CRACD: variants seen among roughly 807,000 people sequenced by gnomAD.
CRACD encodes the protein capping protein inhibiting regulator of actin dynamics, also known as capping protein-inhibiting regulator of actin dynamics.
Under a neutral mutation model 106.8 loss-of-function variants are expected in CRACD, and 56 were observed. The ratio of observed to expected loss-of-function variants is 0.52; its 90% CI spans 0.42 to 0.66. The LOEUF (loss-of-function observed/expected upper bound fraction) is 0.66, where lower values mean the gene tolerates loss of function less well. Among genes scored for constraint, CRACD ranks in the 30% least tolerant of loss-of-function variants. The pLI is 0.00. For missense variants in CRACD, 1,730 were observed against 1,623.2 expected, an observed-to-expected ratio of 1.07 and a Z score of -1.13; for synonymous variants, 754 against 670.8, an observed-to-expected ratio of 1.12 and a Z score of -1.92.
chr4:56,314,769 C>T lies in CRACD; in HGVS notation c.1267C>T (p.Leu423=), dbSNP rs1174471718. The T allele has an allele frequency of 6.3e-7, 1 of 1,594,118 alleles. No homozygotes were observed. Among genetic ancestry groups the T allele is most frequent in the African/African-American group, 1.3e-5 (1 of 74,946 alleles). Residue 423 remains leucine, a synonymous_variant, in exon 8 of 11, where the codon CTG becomes TTG. Coordinates refer to ENST00000682029, the MANE Select transcript of CRACD (RefSeq NM_001393381.1). This position sits in a 1 kb window ranked among gnomAD's most constrained non-coding sequence, Gnocchi z 4.4. ...EDWRGQLSEL[L]NDFEERLEDQ... ...CTGGAGGGGGCAGCTCAGTGAGCTT[C>T]TGAACGACTTTGAGGAGAGGCTCGA...
chr4:56,310,176 C>T (rs1031163343), intron 5 of CRACD, among the ~76,000 whole-genome samples: 15 of 152,072 alleles, frequency 9.9e-5, no homozygotes, highest in African/African-American at 3.6e-4. Context: ...TTTCTTGGCC[C>T]CTCCCTGGTC....
chr4:56,221,266 A>G (rs182801556), intron 2 of CRACD, among the ~76,000 whole-genome samples: 61 of 152,294 alleles, frequency 4.0e-4, no homozygotes, highest in Middle Eastern at 3.4e-3. Flanking sequence ...TTTGGAAGCT[A>G]TTGAAATACT....
Position 56,316,562 on chromosome 4 carries a change from C to A in CRACD, c.3060C>A (p.Gly1020=), listed in dbSNP as rs1745672804. 4 of 1,613,234 alleles carry A rather than the reference C, an allele frequency of 2.5e-6. No individual in the cohort carries two copies. The highest frequency in any genetic ancestry group is 2.2e-5 in the South Asian group (2 of 90,978). ...SSDRRPPSPP[G]PEERKGQKRD... ...ACCGCCGGCCACCCTCGCCCCCAGGCCCCGAGGAAAGGAAGGGACAGAAGA... is the reference window on the plus strand; with the variant it reads ...ACCGCCGGCCACCCTCGCCCCCAGGACCCGAGGAAAGGAAGGGACAGAAGA... The change falls in exon 8 of 11, where the codon GGC becomes GGA. Residue 1020 remains glycine, a synonymous_variant. Transcript: ENST00000682029.
At chr4:56,309,206 G>A (rs1463742677) in intron 5 of CRACD, 16 of 349,076 alleles carry the variant, frequency 4.6e-5, no homozygotes, top group East Asian at 4.4e-4. Context: ...GTGCCAAGCC[G>A]GATTGTATAG....
Position 56,216,746 on chromosome 4 carries a change from C to T in CRACD, c.-189+37316C>T, listed in dbSNP as rs1014687953. ...CTGTAATCCCAGCACTTTGGGAGGC[C>T]GAGGCGGGTGGATCATGAGGTCAGG... On this transcript the variant is annotated intron_variant, in intron 2 of 10. Coordinates refer to ENST00000682029, the MANE Select transcript of CRACD (RefSeq NM_001393381.1). Among the ~76,000 whole-genome samples the T allele has an allele frequency of 1.6e-4, 24 of 151,182 alleles. No individual in the cohort carries two copies. The East Asian group carries it at 2.1e-3, about 14-fold the overall frequency.
chr4:56,072,024 A>G (rs1457136614), intron 1 of CRACD, among the ~76,000 whole-genome samples: 1 of 150,218 alleles, frequency 6.7e-6, no homozygotes, highest in African/African-American at 2.4e-5. Context: ...GCTACGCGGG[A>G]GGCTGAGGCA....
chr4:56,107,757 A>G (rs1733996121), intron 1 of CRACD, among the ~76,000 whole-genome samples: 1 of 152,188 alleles, frequency 6.6e-6, no homozygotes, highest in African/African-American at 2.4e-5. Context: ...GCTGGGGTAC[A>G]AGGATGGAAT....
intron 1 of CRACD, among the ~76,000 whole-genome samples, chr4:56,077,038 A>G (rs980771302): frequency 2.0e-5 from 3 of 152,136 alleles, no homozygotes; most frequent in Admixed American, 2.0e-4. Context: ...TGGGATCTGC[A>G]CCCTGCACTG....
rs1224778008 is a variant in CRACD, at chr4:56,170,794, G to T, written c.-335-8490G>T. On this transcript the variant is annotated intron_variant, in intron 1 of 10. Coordinates refer to ENST00000682029, the MANE Select transcript of CRACD (RefSeq NM_001393381.1). ...CTCGAGGTTACAGTGATCTGTGATT[G>T]TGCCACTGCACTCCAGACTGAGCAG... Among the ~76,000 whole-genome samples the T allele has an allele frequency of 1.2e-4, 18 of 152,272 alleles. No individual in the cohort carries two copies. The South Asian group carries it at 3.5e-3, about 30-fold the overall frequency.
intron 1 of CRACD, among the ~76,000 whole-genome samples, chr4:56,141,720 G>A (rs1468355018): frequency 9.3e-6 from 1 of 107,012 alleles, no homozygotes; most frequent in African/African-American, 3.7e-5. Context: ...TAGAAACAGA[G>A]TCTTACTCTA....
At position 56,190,681 on chromosome 4, in the gene CRACD, C is replaced by T. The variant is rs140715218; in HGVS notation, c.-189+11251C>T. 3.0e-4 allele frequency among the ~76,000 whole-genome samples: 46 copies of T among 152,200 alleles called. No homozygotes were observed. The East Asian group carries it at 7.5e-3, about 25-fold the overall frequency. On this transcript the variant is annotated intron_variant, in intron 2 of 10. Transcript: ENST00000682029. Reference sequence around the variant, plus strand: ...ACAGCCTCCTCCCTAGCTGCTTTCACGGGCTGGCATTGAGCGTCTGCAGCT... The same window carrying T: ...ACAGCCTCCTCCCTAGCTGCTTTCATGGGCTGGCATTGAGCGTCTGCAGCT...
chr4:56,271,571 T>TAA (rs1045778861), intron 2 of CRACD, among the ~76,000 whole-genome samples: 9 of 147,848 alleles, frequency 6.1e-5, no homozygotes, highest in Admixed American at 2.0e-4. Flanking sequence ...ATAAAAATAT[T>TAA]AAAAAAAAAA....
intron 2 of CRACD, among the ~76,000 whole-genome samples, chr4:56,222,026 A>G (rs1446074836): frequency 1.3e-5 from 2 of 152,238 alleles, no homozygotes. Flanking sequence ...CAACCCAGCA[A>G]TCCCACTACT....
Position 56,314,690 on chromosome 4 carries a change from G to GGAGGAGGAGGATCTGGGGGAA in CRACD, c.1200_1220dup (p.Asp400_Glu406dup). ...AGACTGGGGAGGGCCGGCGGGGCGC[G>GGAGGAGGAGGATCTGGGGGAA]GAGGAGGAGGATCTGGGGGAAGAGG... is the stretch of plus-strand genomic sequence containing the variant. On this transcript the variant is annotated inframe_insertion, in exon 8 of 11. Coordinates refer to ENST00000682029, the MANE Select transcript of CRACD (RefSeq NM_001393381.1). This position sits in a 1 kb window ranked among gnomAD's most constrained non-coding sequence, Gnocchi z 4.4. 1.3e-6 allele frequency: 2 copies of GGAGGAGGAGGATCTGGGGGAA among 1,554,392 alleles called. No individual in the cohort carries two copies. The highest frequency in any genetic ancestry group is 8.7e-7 in the Non-Finnish European group (1 of 1,149,034).
intron 2 of CRACD, among the ~76,000 whole-genome samples, chr4:56,219,635 G>T (rs1299388061): frequency 6.6e-6 from 1 of 152,166 alleles, no homozygotes; most frequent in Non-Finnish European, 1.5e-5. Context: ...TGATTACAGG[G>T]GTGAGGTACC....
intron 1 of CRACD, among the ~76,000 whole-genome samples, chr4:56,144,162 A>T (rs11133424): frequency 2.0e-5 from 3 of 151,992 alleles, no homozygotes; most frequent in Non-Finnish European, 2.9e-5. Context: ...TTCTGAGCAA[A>T]GGAAAAATGT....
rs926413273 is a variant in CRACD at position 56,272,408 on chromosome 4, C to A, written c.-101C>A. ...GACCCTTCGTTGTTCCGGGTGCCGT[C>A]GTTGGGGAAGAAGAGTTACTCTCAC... is the stretch of plus-strand genomic sequence containing the variant. On this transcript the variant is annotated 5_prime_UTR_variant, in exon 3 of 11. Coordinates refer to ENST00000682029, the MANE Select transcript of CRACD (RefSeq NM_001393381.1). 1 of 152,608 alleles carries A rather than the reference C, an allele frequency of 6.6e-6. No homozygotes were observed. Among genetic ancestry groups the A allele is most frequent in the Admixed American group, 6.5e-5 (1 of 15,276 alleles). 9.5% of individuals were successfully genotyped at this position (152,608 alleles called of 1,614,324 possible).
chr4:56,323,339 A>G, intron 8 of CRACD, 38 bp from the exon 9 acceptor site: 3 of 1,564,488 alleles, frequency 1.9e-6, no homozygotes, highest in Non-Finnish European at 2.6e-6. Context: ...TCCGCAGTTA[A>G]GTTCATTGCA....
At chr4:56,114,193 C>T (rs1010328554) in intron 1 of CRACD, among the ~76,000 whole-genome samples, 9 of 151,240 alleles carry the variant, frequency 6.0e-5, no homozygotes, top group Admixed American at 6.6e-5. Context: ...TCCTTGTAGG[C>T]CCGGTTCTTA....
Sources: allele counts gnomAD v4.1 joint callset (sites outside exome capture counted in the v4.1 genomes callset), GRCh38; gene constraint gnomAD v4.1.1; non-coding constraint Gnocchi (gnomAD v3.1); transcripts MANE v1.5; gene names NCBI Gene and HGNC (gene_info 2026-07-23, HGNC 2026-07-21).